UBL3: variants seen among roughly 807,000 people sequenced by gnomAD.
UBL3 encodes ubiquitin-like protein 3.
A neutral mutation model predicts 18.4 loss-of-function variants in UBL3; 6 were observed. That is an observed-to-expected ratio of 0.33 (90% CI 0.18 to 0.64). The LOEUF is 0.64. Ranked by LOEUF, UBL3 falls within the 30% of genes least tolerant of loss-of-function variation. UBL3 has a pLI of 0.76. For synonymous variants in UBL3, 49 were observed against 46.6 expected (o/e 1.05, Z -0.21); for missense variants, 109 against 142.9 (o/e 0.76, Z 1.21).
intron 1 of UBL3, among the ~76,000 whole-genome samples, chr13:29,827,861 T>G (rs955427251): frequency 1.2e-4 from 18 of 152,226 alleles, no homozygotes; most frequent in African/African-American, 4.3e-4. Context: ...AGGAGCTCTT[T>G]TAGGGCAGGC....
intron 1 of UBL3, among the ~76,000 whole-genome samples, chr13:29,787,467 T>C (rs1304501048): frequency 1.3e-5 from 2 of 152,240 alleles, no homozygotes; most frequent in African/African-American, 4.8e-5. Context: ...GTATGTTTTA[T>C]TGAGAATTCT....
chr13:29,846,961 G>A (rs1879242336), intron 1 of UBL3, among the ~76,000 whole-genome samples: 1 of 152,210 alleles, frequency 6.6e-6, no homozygotes, highest in Admixed American at 6.5e-5. Flanking sequence ...TTTGCTGTGG[G>A]AGTGGTGAGA....
chr13:29,781,047 C>T (rs985622070), intron 1 of UBL3, among the ~76,000 whole-genome samples: 14 of 152,124 alleles, frequency 9.2e-5, no homozygotes, highest in South Asian at 2.1e-4. Flanking sequence ...TGGTGATGCG[C>T]GCTTGTAGTC....
chr13:29,848,937 G>A (rs1258185761), intron 1 of UBL3, among the ~76,000 whole-genome samples: 1 of 152,164 alleles, frequency 6.6e-6, no homozygotes, highest in African/African-American at 2.4e-5. Flanking sequence ...CCAATACAGG[G>A]TCAGCCTACG....
chr13:29,832,433 C>T (rs1302690773), intron 1 of UBL3, among the ~76,000 whole-genome samples: 4 of 151,956 alleles, frequency 2.6e-5, no homozygotes, highest in Admixed American at 2.0e-4. Context: ...CCCGGGTTCA[C>T]GCCATTCTCC....
chr13:29,772,221 G>GT, intron 2 of UBL3, 23 bp from the exon 3 acceptor site: 1 of 1,586,382 alleles, frequency 6.3e-7, no homozygotes, highest in African/African-American at 1.3e-5. Context: ...CAGTGTACTG[G>GT]TTAGGTATAT....
intron 1 of UBL3, among the ~76,000 whole-genome samples, chr13:29,787,885 T>G (rs1278379352): frequency 6.6e-6 from 1 of 152,152 alleles, no homozygotes; most frequent in African/African-American, 2.4e-5. Flanking sequence ...GGCAAAGCAC[T>G]AGAGAGGACA....
chr13:29,795,646 G>A (rs1593659017), intron 1 of UBL3, among the ~76,000 whole-genome samples: 1 of 151,576 alleles, frequency 6.6e-6, no homozygotes, highest in African/African-American at 2.4e-5. Context: ...CTAAGGAGAG[G>A]TGGCAGCTTG....
chr13:29,794,845 C>G (rs1877568758), intron 1 of UBL3, among the ~76,000 whole-genome samples: 1 of 152,226 alleles, frequency 6.6e-6, no homozygotes, highest in African/African-American at 2.4e-5. Flanking sequence ...TTAGCAGGTA[C>G]ACTTCAATAT....
At chr13:29,770,869 A>G (rs1593648184) in intron 3 of UBL3, among the ~76,000 whole-genome samples, 1 of 152,058 alleles carries the variant, frequency 6.6e-6, no homozygotes, top group Admixed American at 6.6e-5. Flanking sequence ...AAAGTGCCAG[A>G]TATCTCTTAG....
intron 1 of UBL3, among the ~76,000 whole-genome samples, chr13:29,778,480 G>C (rs936753061): frequency 1.3e-5 from 2 of 152,178 alleles, no homozygotes; most frequent in Non-Finnish European, 2.9e-5. Flanking sequence ...GTCCAGTCCA[G>C]AGCTGTGCCC....
At chr13:29,780,121 A>G (rs574918587) in intron 1 of UBL3, among the ~76,000 whole-genome samples, 13 of 151,892 alleles carry the variant, frequency 8.6e-5, no homozygotes, top group East Asian at 5.8e-4. Context: ...TTGGGAGGCC[A>G]AGGCGGGAGG....
intron 1 of UBL3, among the ~76,000 whole-genome samples, chr13:29,842,340 T>C (rs1879126741): frequency 6.6e-6 from 1 of 152,050 alleles, no homozygotes; most frequent in Non-Finnish European, 1.5e-5. Flanking sequence ...GTATTTTTAG[T>C]AGAGATGGGG....
At chr13:29,831,755 C>T (rs949341215) in intron 1 of UBL3, among the ~76,000 whole-genome samples, 5 of 150,624 alleles carry the variant, frequency 3.3e-5, no homozygotes, top group Non-Finnish European at 5.9e-5. Flanking sequence ...ACTAAAAAAT[C>T]ACAAAAAGTA....
At chr13:29,835,122 A>C (rs1566001026) in intron 1 of UBL3, among the ~76,000 whole-genome samples, 1 of 36,702 alleles carries the variant, frequency 2.7e-5, no homozygotes, top group Non-Finnish European at 4.1e-5. Flanking sequence ...ATATATATAT[A>C]TAAATATATA....
In UBL3 at chr13:29,841,305, A is replaced by T. The variant is rs1879094118; in HGVS notation, c.27+8207T>A. Among the ~76,000 whole-genome samples the T allele has an allele frequency of 2.0e-5, 3 of 151,960 alleles. No individual in the cohort carries two copies. In the South Asian group the frequency reaches 6.2e-4, roughly 32 times the overall value. On this transcript the variant is annotated intron_variant, in intron 1 of 4. Transcript: ENST00000380680. ...CTCTCTACATATATATATGCAGTTA[A>T]AAGTATGGAGACAAAAACAAAATGC...
chr13:29,849,504 T>C lies in UBL3; in HGVS notation c.27+8A>G, dbSNP rs1879313566. 6.2e-7 allele frequency: 1 copy of C among 1,613,964 alleles called. No individual in the cohort carries two copies. Among genetic ancestry groups the C allele is most frequent in the African/African-American group, 1.3e-5 (1 of 74,908 alleles). On this transcript the variant is annotated splice_region_variant and intron_variant, in intron 1 of 4. Transcript: ENST00000380680. ...TTAAATCAGTGTCATAACTTATCCG[T>C]CACTTACCATATCCGCCGGGACATT...
At chr13:29,815,953 C>A (rs1878267232) in intron 1 of UBL3, among the ~76,000 whole-genome samples, 1 of 152,076 alleles carries the variant, frequency 6.6e-6, no homozygotes, top group African/African-American at 2.4e-5. Context: ...CCAGTTTCTG[C>A]ATGGAGTCAT....
At chr13:29,835,125 A>AATATATATATATATATATAT (rs59643985) in intron 1 of UBL3, among the ~76,000 whole-genome samples, 1 of 23,436 alleles carries the variant, frequency 4.3e-5, no homozygotes, top group Non-Finnish European at 6.8e-5. Context: ...TATATATATA[A>AATATATATATATATATATAT]ATATATATAT....
Sources: allele counts gnomAD v4.1 joint callset (sites outside exome capture counted in the v4.1 genomes callset), GRCh38; gene constraint gnomAD v4.1.1; transcripts MANE v1.5; gene names NCBI Gene and HGNC (gene_info 2026-07-23, HGNC 2026-07-21).